WDR70: variants seen among roughly 807,000 people sequenced by gnomAD.
The protein encoded by WDR70 is WD repeat-containing protein 70.
Under a neutral mutation model 88.6 loss-of-function variants are expected in WDR70, and 53 were observed. That is an observed-to-expected ratio of 0.60 (90% CI 0.48 to 0.75). The LOEUF (loss-of-function observed/expected upper bound fraction) is 0.75. WDR70 is among the 30% of genes least tolerant of loss of function. The pLI, the probability that WDR70 is intolerant of heterozygous loss-of-function variation, is 0.00. For missense variants in WDR70, 610 were observed against 823.2 expected, an observed-to-expected ratio of 0.74 and a Z score of 3.17; for synonymous variants, 280 against 270.0, an observed-to-expected ratio of 1.04 and a Z score of -0.36.
chr5:37,690,781 C>G (rs1383326759), intron 10 of WDR70, among the ~76,000 whole-genome samples: 1 of 152,166 alleles, frequency 6.6e-6, no homozygotes, highest in Admixed American at 6.5e-5. Context: ...ACCATCGATG[C>G]TATGAAGAAA....
At chr5:37,695,371 C>T (rs1746951206) in intron 10 of WDR70, among the ~76,000 whole-genome samples, 1 of 152,182 alleles carries the variant, frequency 6.6e-6, no homozygotes, top group Non-Finnish European at 1.5e-5. Context: ...AACCATATCC[C>T]ATGGCTTATA....
chr5:37,440,120 TATC>T (rs1331074680), intron 6 of WDR70, among the ~76,000 whole-genome samples: 2 of 152,194 alleles, frequency 1.3e-5, no homozygotes, highest in Admixed American at 6.5e-5. Context: ...TTAGGAGAAT[TATC>T]ATCATGTTTA....
intron 8 of WDR70, among the ~76,000 whole-genome samples, chr5:37,512,336 C>T (rs1335716386): frequency 6.6e-6 from 1 of 152,140 alleles, no homozygotes; most frequent in Non-Finnish European, 1.5e-5. Flanking sequence ...CATCCTCCAC[C>T]TCAGCCTCCC....
chr5:37,654,272 C>T (rs1222321958), intron 10 of WDR70, among the ~76,000 whole-genome samples: 1 of 152,166 alleles, frequency 6.6e-6, no homozygotes, highest in Non-Finnish European at 1.5e-5. Context: ...TTTTCTTAAT[C>T]CTGAGTTCTA....
chr5:37,647,531 T>C lies in WDR70; in HGVS notation c.1092+42293T>C, dbSNP rs542971802. ...TTCTTAGGAAGGCTTTTCAGGCATTTGAAGGAACTTGGGTATTGTTATCTC... is the reference window on the plus strand; with the variant it reads ...TTCTTAGGAAGGCTTTTCAGGCATTCGAAGGAACTTGGGTATTGTTATCTC... On this transcript the variant is annotated intron_variant, in intron 10 of 17. Coordinates refer to ENST00000265107, the MANE Select transcript of WDR70 (RefSeq NM_018034.4). Among the ~76,000 whole-genome samples the C allele has an allele frequency of 2.0e-5, 3 of 152,344 alleles. No individual in the cohort carries two copies. The East Asian group carries it at 5.8e-4, about 29-fold the overall frequency.
intron 10 of WDR70, among the ~76,000 whole-genome samples, chr5:37,655,381 C>T (rs1745523617): frequency 6.6e-6 from 1 of 152,054 alleles, no homozygotes; most frequent in Non-Finnish European, 1.5e-5. Context: ...ATATTTTTGC[C>T]TTCATTTCAA....
chr5:37,565,484 G>T (rs1331677463), intron 9 of WDR70, among the ~76,000 whole-genome samples: 2 of 152,048 alleles, frequency 1.3e-5, no homozygotes, highest in Non-Finnish European at 2.9e-5. Context: ...TGCTGCAAAA[G>T]TCATTCCCTT....
At chr5:37,706,658 C>T (rs537186386) in intron 13 of WDR70, among the ~76,000 whole-genome samples, 1 of 151,864 alleles carries the variant, frequency 6.6e-6, no homozygotes, top group East Asian at 1.9e-4. Flanking sequence ...AAACCTCTTT[C>T]CTTTATAAAT....
intron 9 of WDR70, among the ~76,000 whole-genome samples, chr5:37,582,691 T>C (rs989077687): frequency 9.9e-5 from 15 of 152,244 alleles, no homozygotes; most frequent in African/African-American, 3.6e-4. Context: ...GCCCTTAACA[T>C]AGTGCTGATA....
chr5:37,432,021 A>C (rs1405794095), intron 5 of WDR70, among the ~76,000 whole-genome samples: 1 of 152,226 alleles, frequency 6.6e-6, no homozygotes, highest in Non-Finnish European at 1.5e-5. Flanking sequence ...ACGTGGATGT[A>C]CAAATAGCTC....
chr5:37,689,115 C>A (rs750905051), intron 10 of WDR70, among the ~76,000 whole-genome samples: 2 of 152,196 alleles, frequency 1.3e-5, no homozygotes, highest in Non-Finnish European at 2.9e-5. Context: ...AACTTCAAGG[C>A]GGCAGCCTGG....
intron 17 of WDR70, among the ~76,000 whole-genome samples, chr5:37,744,390 G>A (rs560122813): frequency 3.9e-5 from 6 of 152,124 alleles, no homozygotes; most frequent in East Asian, 3.9e-4. Context: ...TGATTGCATC[G>A]TCTCTCCATT....
intron 16 of WDR70, 24 bp downstream of exon 16, chr5:37,725,074 C>A: frequency 6.2e-7 from 1 of 1,604,334 alleles, no homozygotes; most frequent in Admixed American, 1.7e-5. Context: ...AGCTAGTGAC[C>A]TGCAGAGGGG....
chr5:37,487,691 T>C (rs1739928224), intron 8 of WDR70, among the ~76,000 whole-genome samples: 1 of 148,976 alleles, frequency 6.7e-6, no homozygotes, highest in Non-Finnish European at 1.5e-5. Flanking sequence ...AGTGGTGCGA[T>C]CTCAGCTCAC....
intron 3 of WDR70, among the ~76,000 whole-genome samples, chr5:37,383,017 A>G (rs1748480704): frequency 6.6e-6 from 1 of 152,044 alleles, no homozygotes; most frequent in South Asian, 2.1e-4. Flanking sequence ...CCATCTCAAA[A>G]TAAAAAAAAT....
chr5:37,698,267 T>A (rs1417245251), intron 11 of WDR70, among the ~76,000 whole-genome samples: 1 of 152,208 alleles, frequency 6.6e-6, no homozygotes, highest in Non-Finnish European at 1.5e-5. Flanking sequence ...CACATTTGTA[T>A]GGTTGGATAT....
chr5:37,673,945 A>G (rs978257508), intron 10 of WDR70, among the ~76,000 whole-genome samples: 4 of 152,062 alleles, frequency 2.6e-5, no homozygotes, highest in Admixed American at 6.6e-5. Context: ...AAAGGACATT[A>G]TCTTCTTCAT....
chr5:37,457,179 T>C (rs1323288136), intron 7 of WDR70, among the ~76,000 whole-genome samples: 1 of 152,068 alleles, frequency 6.6e-6, no homozygotes, highest in Non-Finnish European at 1.5e-5. Flanking sequence ...CACCACAACC[T>C]CCACCTCCTG....
At chr5:37,473,507 T>G (rs531304595) in intron 7 of WDR70, among the ~76,000 whole-genome samples, 1 of 152,130 alleles carries the variant, frequency 6.6e-6, no homozygotes, top group South Asian at 2.1e-4. Context: ...CACGCTCAGC[T>G]AATTTCTTGT....
Sources: allele counts gnomAD v4.1 joint callset (sites outside exome capture counted in the v4.1 genomes callset), GRCh38; gene constraint gnomAD v4.1.1; transcripts MANE v1.5; gene names NCBI Gene and HGNC (gene_info 2026-07-23, HGNC 2026-07-21).